The following NOL4 variants were observed in gnomAD, a reference collection of about 807,000 sequenced individuals.
The protein encoded by NOL4 is nucleolar protein 4.
NOL4 carries 17 observed loss-of-function variants against 75.9 expected under a neutral mutation model. The observed-to-expected ratio is 0.22, with a 90% confidence interval of 0.15 to 0.34. The LOEUF is 0.34. Ranked by LOEUF, NOL4 falls within the 10% of genes least tolerant of loss-of-function variation. NOL4 has a pLI of 1.00. For synonymous variants in NOL4, 292 were observed against 289.9 expected (o/e 1.01, Z -0.07); for missense variants, 614 against 793.5 (o/e 0.77, Z 2.72).
chr18:33,903,559 C>T (rs2065864483), intron 9 of NOL4, among the ~76,000 whole-genome samples: 1 of 152,160 alleles, frequency 6.6e-6, no homozygotes, highest in Non-Finnish European at 1.5e-5. Context: ...ACCAAAGCCT[C>T]ATCTTTAGAT....
Position 34,222,166 on chromosome 18 carries a change from C to T in NOL4, c.264+824G>A, listed in dbSNP as rs1005322183. 14 of 1,496,332 alleles carry T rather than the reference C, an allele frequency of 9.4e-6. No individual in the cohort carries two copies. The Admixed American group carries it at 1.8e-4, about 19-fold the overall frequency. The allele number at this position is 1,496,332 out of a possible 1,614,324, so 92.7% of individuals were successfully genotyped here. On this transcript the variant is annotated intron_variant, in intron 1 of 10. Coordinates refer to ENST00000261592, the MANE Select transcript of NOL4 (RefSeq NM_003787.5). ...CAGCGTGAGGCTGAGATGCATTGGG[C>T]TCTCAATGCCAGTGCCTCGCGGCGC...
At chr18:34,132,868 C>T (rs2080719144) in intron 1 of NOL4, among the ~76,000 whole-genome samples, 1 of 152,008 alleles carries the variant, frequency 6.6e-6, no homozygotes, top group African/African-American at 2.4e-5. Context: ...ATTAACTTCG[C>T]AAAAGAAACA....
chr18:34,081,437 T>A (rs536098148), intron 5 of NOL4, among the ~76,000 whole-genome samples: 1 of 152,148 alleles, frequency 6.6e-6, no homozygotes, highest in Non-Finnish European at 1.5e-5. Flanking sequence ...ATATAATGTA[T>A]GTTATTTTAA....
intron 9 of NOL4, among the ~76,000 whole-genome samples, chr18:33,899,890 CA>C (rs1455305410): frequency 6.6e-6 from 1 of 152,076 alleles, no homozygotes; most frequent in African/African-American, 2.4e-5. Context: ...AGTTCAAATG[CA>C]TGCTAGGTTT....
chr18:33,920,437 CT>C (rs1454153388), intron 9 of NOL4, among the ~76,000 whole-genome samples: 1 of 152,166 alleles, frequency 6.6e-6, no homozygotes, highest in East Asian at 1.9e-4. Flanking sequence ...CTGGTAAATT[CT>C]TATTAGGTAT....
intron 9 of NOL4, among the ~76,000 whole-genome samples, chr18:33,941,434 T>C (rs2068469501): frequency 6.6e-6 from 1 of 151,976 alleles, no homozygotes; most frequent in South Asian, 2.1e-4. Context: ...TTCTACAATC[T>C]CAATTTCTAG....
chr18:34,127,473 T>C (rs2080440077), intron 2 of NOL4, among the ~76,000 whole-genome samples: 1 of 151,880 alleles, frequency 6.6e-6, no homozygotes, highest in African/African-American at 2.4e-5. Context: ...GTTTAAGAAT[T>C]AGAAGAAATC....
At chr18:34,135,938 A>G (rs756137797) in intron 1 of NOL4, among the ~76,000 whole-genome samples, 13 of 152,078 alleles carry the variant, frequency 8.5e-5, no homozygotes, top group South Asian at 2.1e-4. Flanking sequence ...AAAATCCTCA[A>G]TAAAGTACTA....
intron 10 of NOL4, among the ~76,000 whole-genome samples, chr18:33,853,980 T>C (rs1036952164): frequency 6.6e-6 from 1 of 152,160 alleles, no homozygotes; most frequent in Admixed American, 6.6e-5. Flanking sequence ...ACTTTTATAC[T>C]TCTTAGCTGA....
At chr18:33,942,707 C>T (rs1007003984) in intron 9 of NOL4, among the ~76,000 whole-genome samples, 6 of 151,734 alleles carry the variant, frequency 4.0e-5, no homozygotes, top group Non-Finnish European at 5.9e-5. Flanking sequence ...TCATTTCATT[C>T]GAAATGAACA....
At chr18:33,984,054 T>C (rs1270943132) in intron 6 of NOL4, among the ~76,000 whole-genome samples, 1 of 152,122 alleles carries the variant, frequency 6.6e-6, no homozygotes, top group African/African-American at 2.4e-5. Flanking sequence ...AAAAAATATT[T>C]TCCAGGATCA....
At chr18:33,867,328 T>C (rs1394164378) in intron 10 of NOL4, among the ~76,000 whole-genome samples, 1 of 152,126 alleles carries the variant, frequency 6.6e-6, no homozygotes, top group Admixed American at 6.6e-5. Flanking sequence ...AAATTTTTAC[T>C]ATTTTCTTGA....
intron 9 of NOL4, among the ~76,000 whole-genome samples, chr18:33,924,852 G>A (rs2067235444): frequency 6.6e-6 from 1 of 152,064 alleles, no homozygotes; most frequent in Admixed American, 6.6e-5. Context: ...TCTTAAAGCA[G>A]GTGCACTTTG....
chr18:33,913,550 TGA>T (rs1197309998), intron 9 of NOL4, among the ~76,000 whole-genome samples: 2 of 152,142 alleles, frequency 1.3e-5, no homozygotes, highest in Non-Finnish European at 2.9e-5. Context: ...GAAAATGAGG[TGA>T]GTTTAGTATG....
intron 5 of NOL4, among the ~76,000 whole-genome samples, chr18:34,053,710 C>T (rs1049049018): frequency 1.3e-5 from 2 of 151,780 alleles, no homozygotes; most frequent in African/African-American, 4.8e-5. Flanking sequence ...CAGTTCTATG[C>T]TGATAAATGT....
intron 6 of NOL4, among the ~76,000 whole-genome samples, chr18:33,978,366 A>C (rs2071673443): frequency 6.6e-6 from 1 of 152,128 alleles, no homozygotes; most frequent in East Asian, 1.9e-4. Flanking sequence ...CTTGGGTGTC[A>C]AGAGAAAGAG....
chr18:33,877,000 C>T (rs1599710453), intron 10 of NOL4, among the ~76,000 whole-genome samples: 1 of 151,998 alleles, frequency 6.6e-6, no homozygotes, highest in African/African-American at 2.4e-5. Context: ...TTTTGTTTGC[C>T]AAGATTAGTG....
chr18:33,894,840 A>G (rs896542528), intron 9 of NOL4, among the ~76,000 whole-genome samples: 3 of 152,028 alleles, frequency 2.0e-5, no homozygotes, highest in African/African-American at 7.2e-5. Context: ...GGAGACATGG[A>G]ATGGAGGGTT....
intron 1 of NOL4, among the ~76,000 whole-genome samples, chr18:34,142,347 T>A (rs1233917532): frequency 6.6e-6 from 1 of 152,118 alleles, no homozygotes; most frequent in South Asian, 2.1e-4. Context: ...ACCCAAAGGA[T>A]TATAAATCAT....
Sources: allele counts gnomAD v4.1 joint callset (sites outside exome capture counted in the v4.1 genomes callset), GRCh38; gene constraint gnomAD v4.1.1; transcripts MANE v1.5; gene names NCBI Gene and HGNC (gene_info 2026-07-23, HGNC 2026-07-21).